The following KLRD1 variants were observed in gnomAD, a reference collection of about 807,000 sequenced individuals.
The protein encoded by KLRD1 is killer cell lectin like receptor D1, also known as natural killer cells antigen CD94.
Under a neutral mutation model 22.6 loss-of-function variants are expected in KLRD1, and 21 were observed. That is an observed-to-expected ratio of 0.93 (90% CI 0.66 to 1.34). KLRD1 has a LOEUF of 1.34. KLRD1 is among the 40% of genes most tolerant of loss of function. KLRD1 has a pLI of 0.00. For missense variants in KLRD1, 183 were observed against 208.6 expected (o/e 0.88, Z 0.76); for synonymous variants, 59 against 71.1 (o/e 0.83, Z 0.85).
rs1021081295 is a variant in KLRD1, at chr12:10,319,368, A to G, written c.*4575A>G. ...TTTAAAGGGTGACAATCTACAAATT[A>G]TGTGTTATAGACAAGTTGCAAGATG... On this transcript the variant is annotated 3_prime_UTR_variant, in exon 6 of 6. Coordinates refer to ENST00000336164, the MANE Select transcript of KLRD1 (RefSeq NM_002262.5). 9.2e-5 allele frequency: 14 copies of G among 152,346 alleles called. No individual in the cohort carries two copies. Among genetic ancestry groups the G allele is most frequent in the Admixed American group, 2.0e-4 (3 of 15,306 alleles). The allele number at this position is 152,346 out of a possible 1,614,324, so 9.4% of individuals were successfully genotyped here.
intron 1 of KLRD1, among the ~76,000 whole-genome samples, chr12:10,281,349 G>A (rs1045702769): frequency 6.6e-6 from 1 of 152,164 alleles, no homozygotes; most frequent in African/African-American, 2.4e-5. Flanking sequence ...AACTGTAAGA[G>A]AATAATTTTT....
At chr12:10,293,167 T>TATATATATATATATATATACACACAC (rs1949791498) in intron 1 of KLRD1, among the ~76,000 whole-genome samples, 138 of 4,634 alleles carry the variant, frequency 0.03, 15 homozygotes, top group Middle Eastern at 0.17. Flanking sequence ...CATATATATA[T>TATATATATATATATATATACACACAC]ACACATATAC....
At chr12:10,279,516 G>T (rs1366410061) in intron 1 of KLRD1, among the ~76,000 whole-genome samples, 4 of 152,082 alleles carry the variant, frequency 2.6e-5, no homozygotes, top group Admixed American at 1.3e-4. Flanking sequence ...AAAGGATTCT[G>T]ATTTATATAA....
intron 1 of KLRD1, among the ~76,000 whole-genome samples, chr12:10,290,709 T>A (rs1207005182): frequency 6.6e-6 from 1 of 152,214 alleles, no homozygotes; most frequent in East Asian, 1.9e-4. Context: ...AGTATTTATC[T>A]TTAATAACCA....
Position 10,294,125 on chromosome 12 carries a change from T to G in KLRD1, c.-100-13853T>G, listed in dbSNP as rs942042098. Among the ~76,000 whole-genome samples, 3 of 152,188 alleles carry G rather than the reference T, an allele frequency of 2.0e-5. No homozygotes were observed. In the South Asian group the frequency reaches 6.2e-4, roughly 31 times the overall value. On this transcript the variant is annotated intron_variant, in intron 1 of 5. Transcript: ENST00000544747. Reference sequence around the variant, plus strand: ...CAAAGCTTGTGAAAGTCATTGCTACTCTTTCTTTCTTGATGAATATGGACT... The same window carrying G: ...CAAAGCTTGTGAAAGTCATTGCTACGCTTTCTTTCTTGATGAATATGGACT...
At chr12:10,295,336 G>T (rs1175770731) in intron 1 of KLRD1, among the ~76,000 whole-genome samples, 2 of 151,848 alleles carry the variant, frequency 1.3e-5, no homozygotes, top group Non-Finnish European at 2.9e-5. Flanking sequence ...TGTCTCCCTT[G>T]TGACACTGTT....
intron 1 of KLRD1, among the ~76,000 whole-genome samples, chr12:10,250,923 T>C (rs1239200534): frequency 6.6e-6 from 1 of 152,094 alleles, no homozygotes; most frequent in African/African-American, 2.4e-5. Context: ...GAAAGGATAA[T>C]TGAAAGCAGC....
intron 1 of KLRD1, among the ~76,000 whole-genome samples, chr12:10,286,662 CTTTTTTTT>C (rs747241701): frequency 5.5e-5 from 3 of 54,810 alleles, no homozygotes; most frequent in Admixed American, 3.4e-4. Context: ...GCTTATGGTG[CTTTTTTTT>C]TTTTTTTTTT....
At chr12:10,297,836 A>G (rs1187544002) in intron 1 of KLRD1, among the ~76,000 whole-genome samples, 2 of 152,210 alleles carry the variant, frequency 1.3e-5, no homozygotes, top group East Asian at 3.8e-4. Context: ...GATCAACCCA[A>G]TGATTGCTTC....
At chr12:10,280,677 C>T (rs1353631958) in intron 1 of KLRD1, among the ~76,000 whole-genome samples, 1 of 152,030 alleles carries the variant, frequency 6.6e-6, no homozygotes, top group Admixed American at 6.6e-5. Flanking sequence ...CAATGCTTTC[C>T]AATGGTTGAA....
intron 1 of KLRD1, among the ~76,000 whole-genome samples, chr12:10,247,879 A>G (rs1949307018): frequency 6.6e-6 from 1 of 152,188 alleles, no homozygotes; most frequent in South Asian, 2.1e-4. Flanking sequence ...CTCTGCAGCC[A>G]TGCAGAGCTG....
Position 10,308,004 on chromosome 12 carries a change from A to G in KLRD1, c.-74A>G. 7.3e-7 allele frequency: 1 copy of G among 1,375,566 alleles called. No homozygotes were observed. The highest frequency in any genetic ancestry group is 1.2e-5 in the South Asian group (1 of 84,192). The allele number at this position is 1,375,566 out of a possible 1,614,324, so 85.2% of individuals were successfully genotyped here. A position where few individuals can be genotyped will look rare whatever the true frequency, so the allele number is the denominator to read the frequency against. ...TTCTTTAATCTCCAGCTCAGCTTCA[A>G]CAATTCAACGCTGTTCTTTCTGAAA... On this transcript the variant is annotated 5_prime_UTR_variant, in exon 1 of 6. Transcript: ENST00000336164.
At chr12:10,310,121 C>T (rs997836833) in intron 3 of KLRD1, among the ~76,000 whole-genome samples, 2 of 152,112 alleles carry the variant, frequency 1.3e-5, no homozygotes, top group African/African-American at 2.4e-5. Flanking sequence ...GTCCAATTTT[C>T]GTTTTTGGAG....
chr12:10,289,842 AGT>A (rs1211366195), intron 1 of KLRD1, among the ~76,000 whole-genome samples: 2 of 152,198 alleles, frequency 1.3e-5, no homozygotes, highest in East Asian at 1.9e-4. Flanking sequence ...GCAGTGGTGC[AGT>A]CTTGGCTCAC....
chr12:10,297,796 A>G (rs1047470643), intron 1 of KLRD1, among the ~76,000 whole-genome samples: 6 of 152,206 alleles, frequency 3.9e-5, no homozygotes, highest in African/African-American at 1.4e-4. Context: ...AGACCAAGTG[A>G]AAGTCCTTTG....
Position 10,284,968 on chromosome 12 carries a change from C to T in KLRD1, c.-100-23010C>T, listed in dbSNP as rs190061915. ...TGCACTCCAGCCTGGGCAACAAGAG[C>T]GAAACTCCATCTCAAAAAAAAAAGA... On this transcript the variant is annotated intron_variant, in intron 1 of 5. Transcript: ENST00000544747. Among the ~76,000 whole-genome samples, 14 of 149,776 alleles carry T rather than the reference C, an allele frequency of 9.3e-5. 1 individual carries two copies. Among genetic ancestry groups the T allele is most frequent in the East Asian group, 5.8e-4 (3 of 5,140 alleles).
chr12:10,313,397 T>A lies in KLRD1; in HGVS notation c.316-13T>A, dbSNP rs772518689. 4.6e-6 allele frequency: 7 copies of A among 1,506,324 alleles called. No individual in the cohort carries two copies. Among genetic ancestry groups the A allele is most frequent in the Non-Finnish European group, 6.4e-6 (7 of 1,093,448 alleles). The allele number at this position is 1,506,324 out of a possible 1,614,324, so 93.3% of individuals were successfully genotyped here. A position where few individuals can be genotyped will look rare whatever the true frequency, so the allele number is the denominator to read the frequency against. ...AAAATTAGATTAATGTGATTGTCTT[T>A]TACTTGAAGCAGGATTTTATGAGCT... On this transcript the variant is annotated splice_polypyrimidine_tract_variant and intron_variant, in intron 4 of 5. Transcript: ENST00000336164.
intron 1 of KLRD1, among the ~76,000 whole-genome samples, chr12:10,241,736 A>G (rs540528025): frequency 6.6e-6 from 1 of 152,286 alleles, no homozygotes; most frequent in East Asian, 1.9e-4. Flanking sequence ...ATTGGATAGT[A>G]TGTGTGTATA....
chr12:10,243,627 A>C (rs1222037334), intron 1 of KLRD1, among the ~76,000 whole-genome samples: 1 of 150,210 alleles, frequency 6.7e-6, no homozygotes, highest in Non-Finnish European at 1.5e-5. Flanking sequence ...AAAAAAAAAA[A>C]AAAAAACCGA....
Sources: allele counts gnomAD v4.1 joint callset (sites outside exome capture counted in the v4.1 genomes callset), GRCh38; gene constraint gnomAD v4.1.1; transcripts MANE v1.5; gene names NCBI Gene and HGNC (gene_info 2026-07-23, HGNC 2026-07-21).